The following CCDC144A variants were observed in gnomAD, a reference collection of about 807,000 sequenced individuals.
The protein encoded by CCDC144A is coiled-coil domain-containing protein 144A.
CCDC144A carries 41 observed loss-of-function variants against 143.8 expected under a neutral mutation model. The observed-to-expected ratio is 0.29, with a 90% CI of 0.22 to 0.37. The LOEUF (loss-of-function observed/expected upper bound fraction) is 0.37, where lower values mean the gene tolerates loss of function less well. Among genes scored for constraint, CCDC144A ranks in the 10% least tolerant of loss-of-function variants. CCDC144A has a pLI of 1.00. For missense variants in CCDC144A, 637 were observed against 1,488.8 expected, an observed-to-expected ratio of 0.43 and a Z score of 9.41; for synonymous variants, 242 against 517.9, an observed-to-expected ratio of 0.47 and a Z score of 7.23.
intron 9 of CCDC144A, among the ~76,000 whole-genome samples, chr17:16,729,665 C>T (rs531768782): frequency 6.6e-6 from 1 of 151,804 alleles, no homozygotes; most frequent in South Asian, 2.1e-4. Context: ...AAGCTATTCT[C>T]CTGCCTCAGC....
intron 9 of CCDC144A, 146 bp from the exon 10 acceptor site, chr17:16,731,654 A>G: frequency 7.5e-6 from 1 of 133,298 alleles, no homozygotes; most frequent in Non-Finnish European, 1.5e-5. Context: ...GAAGTGAGAA[A>G]TTAAAAACAT....
chr17:16,746,738 G>C, intron 12 of CCDC144A: 6 of 1,610,824 alleles, frequency 3.7e-6, no homozygotes, highest in South Asian at 1.1e-5. Context: ...GGTGAGGCCC[G>C]GAGGCAGGCG....
At chr17:16,726,177 G>A (rs901511259) in intron 8 of CCDC144A, among the ~76,000 whole-genome samples, 8 of 151,734 alleles carry the variant, frequency 5.3e-5, no homozygotes, top group East Asian at 1.9e-4. Context: ...AGGAGATCGA[G>A]ACCATCCTGG....
Position 16,691,377 on chromosome 17 carries a change from G to A in CCDC144A, c.344+633G>A, listed in dbSNP as rs547756977. On this transcript the variant is annotated intron_variant, in intron 1 of 16. Coordinates refer to ENST00000399273, the MANE Select transcript of CCDC144A (RefSeq NM_001382000.1). ...TTATCCTTTCCCAGATTTGTGGCAG[G>A]AAGCCATCACCAGAATTCTGAGTCT... Among the ~76,000 whole-genome samples the A allele has an allele frequency of 2.1e-3, 314 of 152,244 alleles. 2 individuals are homozygous for A. The highest frequency in any genetic ancestry group is 7.3e-3 in the African/African-American group (304 of 41,540).
chr17:16,702,360 G>C (rs1040093135), intron 2 of CCDC144A, among the ~76,000 whole-genome samples: 1 of 152,182 alleles, frequency 6.6e-6, no homozygotes, highest in Non-Finnish European at 1.5e-5. Flanking sequence ...AGGTAAAATG[G>C]GAGGTGAATT....
chr17:16,722,434 C>T (rs1913145718), intron 8 of CCDC144A, among the ~76,000 whole-genome samples: 1 of 151,972 alleles, frequency 6.6e-6, no homozygotes, highest in Non-Finnish European at 1.5e-5. Context: ...ACTCCCTGCC[C>T]CCACACATGC....
chr17:16,772,839 T>C, intron 16 of CCDC144A: 2 of 1,136,228 alleles, frequency 1.8e-6, no homozygotes, highest in East Asian at 2.6e-5. Context: ...GTATGGAAAT[T>C]GCCTATTTGT....
chr17:16,683,453 C>G, the CCDC144A span: 1 of 1,251,424 alleles, frequency 8.0e-7, no homozygotes, highest in East Asian at 2.4e-5. Flanking sequence ...CGGCTTCTGT[C>G]CCTGGCGGCA....
rs974799198 is a variant in CCDC144A at position 16,711,810 on chromosome 17, T to C, written c.1710T>C (p.His570=). 4 of 1,586,780 alleles carry C rather than the reference T, an allele frequency of 2.5e-6. No individual in the cohort carries two copies. The highest frequency in any genetic ancestry group is 1.3e-5 in the African/African-American group (1 of 74,534). The change falls in exon 6 of 17, where the codon CAT becomes CAC. Residue 570 remains histidine (H), a synonymous_variant. Coordinates refer to ENST00000399273, the MANE Select transcript of CCDC144A (RefSeq NM_001382000.1). ...TTCCTAGGAAGGAAAATGGAGAGCA[T>C]GACAGGTAAGCCTATAGCAGCGTTT... ...QQIPRKENGE[H]DRPADKTSNE...
chr17:16,746,071 T>C (rs2621531), intron 12 of CCDC144A: 88 of 1,608,446 alleles, frequency 5.5e-5, no homozygotes, highest in Middle Eastern at 3.3e-4. Flanking sequence ...TGGGGCTCCT[T>C]CAGCGAGCCT....
At chr17:16,737,589 C>T in intron 12 of CCDC144A, 1 of 1,298,174 alleles carries the variant, frequency 7.7e-7, no homozygotes, top group South Asian at 1.2e-5. Context: ...AAAACAACAA[C>T]CTACGTCAGA....
At chr17:16,755,582 C>T (rs1448955772) in intron 12 of CCDC144A, among the ~76,000 whole-genome samples, 3 of 152,168 alleles carry the variant, frequency 2.0e-5, no homozygotes, top group Admixed American at 6.5e-5. Flanking sequence ...TTATTGGAGA[C>T]AGAGTCTCAC....
chr17:16,738,129 G>C lies in CCDC144A; in HGVS notation c.3372+2486G>C, dbSNP rs1597572511. Among the ~76,000 whole-genome samples, 3 of 151,704 alleles carry C rather than the reference G, an allele frequency of 2.0e-5. No individual in the cohort carries two copies. In the South Asian group the frequency reaches 6.3e-4, roughly 32 times the overall value. ...GTGTATATTTATTTCATGAATTTCAGGATAACTGGTACAGAAAGGCCATAG... is the reference window on the plus strand; with the variant it reads ...GTGTATATTTATTTCATGAATTTCACGATAACTGGTACAGAAAGGCCATAG... On this transcript the variant is annotated intron_variant, in intron 12 of 16. Coordinates refer to ENST00000399273, the MANE Select transcript of CCDC144A (RefSeq NM_001382000.1).
At chr17:16,686,101 T>C (rs921476428), upstream of CCDC144A, among the ~76,000 whole-genome samples, 1 of 147,372 alleles carries the variant, frequency 6.8e-6, no homozygotes, top group South Asian at 2.1e-4. Context: ...GTTTTTTTTT[T>C]TTTTTTTTTT....
rs1303007774 is a variant in CCDC144A, at chr17:16,737,388, G to C, written c.3372+1745G>C. The C allele has an allele frequency of 1.8e-5, 14 of 776,426 alleles. No individual in the cohort carries two copies. The South Asian group carries it at 2.1e-4, about 11-fold the overall frequency. The allele number at this position is 776,426 out of a possible 1,614,324, so 48.1% of individuals were successfully genotyped here. On this transcript the variant is annotated intron_variant, in intron 12 of 16. Coordinates refer to ENST00000399273, the MANE Select transcript of CCDC144A (RefSeq NM_001382000.1). ...TCACCGTTTTAGCCGGGATGGTCTCGATCTCCTGACCTCGTGATCCGCCCG... is the reference window on the plus strand; with the variant it reads ...TCACCGTTTTAGCCGGGATGGTCTCCATCTCCTGACCTCGTGATCCGCCCG...
At position 16,776,604 on chromosome 17, in the gene CCDC144A, A is replaced by T. The variant is rs1196422072; in HGVS notation, c.*2971A>T. ...TATCAGCTAAGAAGTTTTTGAGCTG[A>T]GATGATGGAGTTTTCTAGATATAGG... is the stretch of plus-strand genomic sequence containing the variant. On this transcript the variant is annotated 3_prime_UTR_variant, in exon 17 of 17. Transcript: ENST00000399273. The T allele has an allele frequency of 6.6e-6, 1 of 152,194 alleles. No individual in the cohort carries two copies. Among genetic ancestry groups the T allele is most frequent in the Non-Finnish European group, 1.5e-5 (1 of 68,046 alleles). The allele number at this position is 152,194 out of a possible 1,614,324, so 9.4% of individuals were successfully genotyped here. A position where few individuals can be genotyped will look rare whatever the true frequency, so the allele number is the denominator to read the frequency against.
intron 15 of CCDC144A, among the ~76,000 whole-genome samples, chr17:16,769,643 TC>T (rs1448102617): frequency 6.6e-6 from 1 of 152,156 alleles, no homozygotes; most frequent in Non-Finnish European, 1.5e-5. Context: ...AGTTTTCTGT[TC>T]TGCGGTTTGA....
intron 6 of CCDC144A, among the ~76,000 whole-genome samples, chr17:16,712,763 A>G (rs1912527323): frequency 6.6e-6 from 1 of 152,182 alleles, no homozygotes; most frequent in Non-Finnish European, 1.5e-5. Flanking sequence ...TGTAGCATGC[A>G]CTCATTTTAA....
chr17:16,761,093 C>T (rs1185394344), intron 12 of CCDC144A, among the ~76,000 whole-genome samples: 162 of 150,854 alleles, frequency 1.1e-3, no homozygotes, highest in South Asian at 2.1e-3. Flanking sequence ...TTTGGGAGGC[C>T]GAGGCGAGTG....
Sources: gnomAD v4.1 joint callset for allele counts (sites outside exome capture counted in the v4.1 genomes callset) on GRCh38, gnomAD v4.1.1 for gene constraint, MANE v1.5 for transcripts, NCBI Gene and HGNC (gene_info 2026-07-23, HGNC 2026-07-21) for gene names.